Variants in GSN observed in about 807,000 individuals in gnomAD.
GSN encodes the protein actin-depolymerizing factor.
A neutral mutation model predicts 85.7 loss-of-function variants in GSN; 56 were observed. The observed-to-expected ratio is 0.65, with a 90% CI of 0.53 to 0.82. The LOEUF is 0.82. Among genes scored for constraint, GSN ranks in the 40% least tolerant of loss-of-function variants. The pLI, the probability that GSN is intolerant of heterozygous loss-of-function variation, is 0.00. For missense variants in GSN, 857 were observed against 979.8 expected, an observed-to-expected ratio of 0.87 and a Z score of 1.67; for synonymous variants, 373 against 399.1, an observed-to-expected ratio of 0.93 and a Z score of 0.78.
At chr9:121,300,234 C>A in intron 2 of GSN, 1 of 776,006 alleles carries the variant, frequency 1.3e-6, no homozygotes. Context: ...GGCCGGATTT[C>A]TTTTCCCCTG....
rs2132204479 is a variant in GSN at position 121,242,691 on chromosome 9, A to G, written c.-388-5585A>G. Among the ~76,000 whole-genome samples the G allele has an allele frequency of 2.0e-5, 3 of 152,310 alleles. 1 individual carries two copies. In the South Asian group the frequency reaches 6.2e-4, roughly 32 times the overall value. ...GACAGCGCAGCTCTGATAATTGTTC[A>G]GGATCAGACAGCTGAGTGGCTCAGG... On this transcript the variant is annotated intron_variant, in intron 5 of 24. Coordinates refer to the GSN transcript ENST00000373823.
chr9:121,224,670 T>C (rs1373427342), intron 4 of GSN, among the ~76,000 whole-genome samples: 1 of 148,612 alleles, frequency 6.7e-6, no homozygotes. Flanking sequence ...TGGGAATGAC[T>C]GGGGACCCAT....
chr9:121,304,610 C>T (rs2060214990), intron 4 of GSN, among the ~76,000 whole-genome samples: 1 of 152,204 alleles, frequency 6.6e-6, no homozygotes, highest in African/African-American at 2.4e-5. Context: ...ATTCATTCAG[C>T]AAATATTTAC....
intron 5 of GSN, among the ~76,000 whole-genome samples, chr9:121,240,458 G>A (rs1478637098): frequency 1.3e-5 from 2 of 152,216 alleles, no homozygotes; most frequent in Admixed American, 6.5e-5. Context: ...GGTGGCTCCT[G>A]GAACCAAAAG....
chr9:121,237,437 T>C (rs1254271954), intron 5 of GSN, among the ~76,000 whole-genome samples: 1 of 152,142 alleles, frequency 6.6e-6, no homozygotes, highest in Non-Finnish European at 1.5e-5. Context: ...GAGTAGCACA[T>C]GCCTGTAGTC....
At chr9:121,320,636 A>C (rs1449984638) in intron 10 of GSN, among the ~76,000 whole-genome samples, 2 of 150,260 alleles carry the variant, frequency 1.3e-5, no homozygotes, top group Admixed American at 6.7e-5. Flanking sequence ...CAAGAGTGAA[A>C]CCTCGTCTCA....
At chr9:121,301,828 G>A (rs1466963866) in intron 2 of GSN, 135 bp from the exon 3 acceptor site, 1 of 1,427,820 alleles carries the variant, frequency 7.0e-7, no homozygotes, top group East Asian at 2.4e-5. Context: ...GAAGGGGATA[G>A]ACTTCCCTGG....
chr9:121,250,800 A>G (rs2054809367), intron 6 of GSN, among the ~76,000 whole-genome samples: 1 of 150,564 alleles, frequency 6.6e-6, no homozygotes, highest in Non-Finnish European at 1.5e-5. Context: ...GCCTCCCAAA[A>G]TGCTGGGGTT....
At chr9:121,309,615 T>G (rs1233735717) in intron 4 of GSN, 1 of 152,052 alleles carries the variant, frequency 6.6e-6, no homozygotes, top group Non-Finnish European at 1.5e-5. Flanking sequence ...AAGATTTGGA[T>G]TAGTACCTCT....
chr9:121,264,887 CA>C (rs1244439048), upstream of GSN, among the ~76,000 whole-genome samples: 9 of 152,164 alleles, frequency 5.9e-5, no homozygotes, highest in African/African-American at 2.2e-4. Flanking sequence ...ATGTGGACTA[CA>C]AACAAAGATT....
In GSN at chr9:121,318,920, C is replaced by T. The variant is rs747079557; in HGVS notation, c.1191+40C>T. On this transcript the variant is annotated intron_variant, in intron 10 of 17. Transcript: ENST00000432226. This position sits in a 1 kb window ranked among gnomAD's most constrained non-coding sequence, Gnocchi z 4.3. ...TGGGGTGGGTGTGTCCAGGCCCCTC[C>T]CTCACTTTCCCCATGCACTGCCTCT... 3.1e-5 allele frequency: 46 copies of T among 1,478,954 alleles called. No individual in the cohort carries two copies. The East Asian group carries it at 9.9e-4, about 32-fold the overall frequency. The allele number at this position is 1,478,954 out of a possible 1,614,324, so 91.6% of individuals were successfully genotyped here. A position where few individuals can be genotyped will look rare whatever the true frequency, so the allele number is the denominator to read the frequency against.
chr9:121,235,882 T>A (rs1350079614), intron 5 of GSN, among the ~76,000 whole-genome samples: 1 of 152,260 alleles, frequency 6.6e-6, no homozygotes, highest in Non-Finnish European at 1.5e-5. Context: ...GAAAGCCTTT[T>A]GGTGAACACC....
chr9:121,279,673 G>A (rs543190950), intron 1 of GSN, among the ~76,000 whole-genome samples: 4 of 152,226 alleles, frequency 2.6e-5, no homozygotes, highest in African/African-American at 9.6e-5. Context: ...AGGTGCAGTA[G>A]GGGAGGAGCA....
At chr9:121,249,806 G>A (rs1281342585) in intron 6 of GSN, among the ~76,000 whole-genome samples, 3 of 152,212 alleles carry the variant, frequency 2.0e-5, no homozygotes, top group Non-Finnish European at 2.9e-5. Flanking sequence ...GCCAATCAGA[G>A]TCCTTCTCTG....
chr9:121,282,481 GC>G, intron 2 of GSN: 1 of 1,259,850 alleles, frequency 7.9e-7, no homozygotes, highest in Non-Finnish European at 1.0e-6. Context: ...GTCTGCTGTG[GC>G]CCAGCTGGCT....
chr9:121,245,419 T>C (rs560988041), intron 5 of GSN, among the ~76,000 whole-genome samples: 7 of 152,304 alleles, frequency 4.6e-5, no homozygotes, highest in African/African-American at 1.7e-4. Flanking sequence ...TGCAGTGGCA[T>C]GATCAGGGCT....
rs373698342 is a variant in GSN, at chr9:121,317,267, G to A, written c.886+49G>A. 58 of 1,599,548 alleles carry A rather than the reference G, an allele frequency of 3.6e-5. No homozygotes were observed. In the African/African-American group the frequency reaches 7.0e-4, roughly 19 times the overall value. ...CCAACTGGCCTGTAGGATCTTGGAT[G>A]GGATGTTCTGCAGCTCCCAGGAACT... On this transcript the variant is annotated intron_variant, in intron 8 of 17. Transcript: ENST00000432226.
chr9:121,287,353 C>T (rs1242367021), intron 2 of GSN, among the ~76,000 whole-genome samples: 1 of 152,202 alleles, frequency 6.6e-6, no homozygotes, highest in Non-Finnish European at 1.5e-5. Context: ...CCAGGCCCCT[C>T]TCCTGCCTAG....
intron 11 of GSN, among the ~76,000 whole-genome samples, chr9:121,323,443 C>T (rs1013002624): frequency 4.7e-5 from 7 of 148,364 alleles, no homozygotes; most frequent in African/African-American, 1.7e-4. Flanking sequence ...GATCTCGGCT[C>T]ACTGCAACCT....
Sources: gnomAD v4.1 joint callset for allele counts (sites outside exome capture counted in the v4.1 genomes callset) on GRCh38, gnomAD v4.1.1 for gene constraint, Gnocchi (gnomAD v3.1) non-coding constraint, MANE v1.5 for transcripts, NCBI Gene and HGNC (gene_info 2026-07-23, HGNC 2026-07-21) for gene names.